ITPR2: variants seen among roughly 807,000 people sequenced by gnomAD.
ITPR2 encodes inositol 1,4,5-trisphosphate receptor type 2, also known as inositol 1,4,5-trisphosphate-gated calcium channel ITPR2.
A neutral mutation model predicts 317.1 loss-of-function variants in ITPR2; 207 were observed. The observed-to-expected ratio is 0.65, with a 90% CI of 0.58 to 0.73. ITPR2 has a LOEUF of 0.73. Ranked by LOEUF, ITPR2 falls within the 30% of genes least tolerant of loss-of-function variation. The probability of loss-of-function intolerance (pLI) is 0.00; values close to 1 mark genes in which losing one functional copy is unlikely to be tolerated. For missense variants in ITPR2, 2,613 were observed against 3,284.0 expected (o/e 0.80, Z 4.99); for synonymous variants, 1,156 against 1,149.1 (o/e 1.01, Z -0.12).
intron 1 of ITPR2, among the ~76,000 whole-genome samples, chr12:26,808,145 C>G (rs545121438): frequency 1.3e-4 from 20 of 152,302 alleles, no homozygotes; most frequent in African/African-American, 4.8e-4. Flanking sequence ...GGGAAAAAAT[C>G]TGCCAGAGAA....
chr12:26,679,654 A>C (rs1337684591), intron 13 of ITPR2, among the ~76,000 whole-genome samples: 1 of 152,146 alleles, frequency 6.6e-6, no homozygotes, highest in Non-Finnish European at 1.5e-5. Flanking sequence ...ACTACAGTGA[A>C]TGTCTTTGTT....
chr12:26,396,440 GA>G (rs1565503629), intron 54 of ITPR2, among the ~76,000 whole-genome samples: 2 of 152,030 alleles, frequency 1.3e-5, no homozygotes. Context: ...AGTTGATAAC[GA>G]ATTCATTTCT....
In ITPR2 at chr12:26,739,515, TCA is replaced by T. The variant is rs1027097253; in HGVS notation, c.164-13752_164-13751del. On this transcript the variant is annotated intron_variant, in intron 2 of 56. Transcript: ENST00000381340. ...TACTGATCCTGAACATGGATGAATC[TCA>T]AACACATCTTACTAAGTGAAAGAAG... is the stretch of plus-strand genomic sequence containing the variant. Among the ~76,000 whole-genome samples the T allele has an allele frequency of 5.3e-5, 8 of 152,216 alleles. No homozygotes were observed. In the East Asian group the frequency reaches 1.5e-3, roughly 29 times the overall value.
At position 26,588,232 on chromosome 12, in the gene ITPR2, G is replaced by A. The variant is rs114449796; in HGVS notation, c.4380+7233C>T. 6.3e-3 allele frequency among the ~76,000 whole-genome samples: 956 copies of A among 152,258 alleles called. 17 individuals carry two copies. Among genetic ancestry groups the A allele is most frequent in the African/African-American group, 0.022 (914 of 41,536 alleles). ...AGAGTAAATGAGATTAGCAAACAGT[G>A]ACTATAGACAGAGAAGGGATCCATT... On this transcript the variant is annotated intron_variant, in intron 32 of 56. Transcript: ENST00000381340.
At chr12:26,579,944 T>C (rs1565617393) in intron 33 of ITPR2, 83 bp downstream of exon 33, 2 of 1,065,294 alleles carry the variant, frequency 1.9e-6, no homozygotes, top group Non-Finnish European at 2.8e-6. Flanking sequence ...GTGTAGGAGA[T>C]GACTTCCTGA....
intron 1 of ITPR2, among the ~76,000 whole-genome samples, chr12:26,810,822 T>G (rs1190256256): frequency 6.6e-6 from 1 of 152,144 alleles, no homozygotes; most frequent in East Asian, 1.9e-4. Context: ...TCATTTTTTG[T>G]TTGGTTTCAT....
At chr12:26,450,949 T>A (rs1470875261) in intron 45 of ITPR2, among the ~76,000 whole-genome samples, 1 of 152,094 alleles carries the variant, frequency 6.6e-6, no homozygotes, top group Non-Finnish European at 1.5e-5. Flanking sequence ...AATGGATTAG[T>A]TAGAAAAGCT....
rs1945865139 is a variant in ITPR2 at position 26,597,088 on chromosome 12, G to A, written c.4049C>T (p.Ala1350Val). 2 of 1,613,370 alleles carry A rather than the reference G, an allele frequency of 1.2e-6. No homozygotes were observed. Among genetic ancestry groups the A allele is most frequent in the Non-Finnish European group, 8.5e-7 (1 of 1,179,426 alleles). ...CATATGGAGAAGGATTGGAAATGAT[G>A]CTCTATCATTGTAAAATATCAGCAC... ...EDVLIFYNDR[A>V]SFPILLHMMC... The change falls in exon 31 of 57, where the codon GCA (alanine) becomes GTA (valine). Residue 1350 changes from alanine (A) to valine (V), a missense_variant. By Grantham distance (64) the Ala-to-Val change is moderately conservative. This residue lies in a region of ITPR2 where 817 missense variants were observed against 897.6 expected (regional missense o/e 0.91). Transcript: ENST00000381340.
At chr12:26,613,781 T>A (rs990622107) in intron 26 of ITPR2, among the ~76,000 whole-genome samples, 1 of 152,142 alleles carries the variant, frequency 6.6e-6, no homozygotes, top group Non-Finnish European at 1.5e-5. Context: ...GAAAAAATTC[T>A]CTTGAGGCTC....
rs116280706 is a variant in ITPR2 at position 26,640,334 on chromosome 12, G to T, written c.2741-8275C>A. Among the ~76,000 whole-genome samples the T allele has an allele frequency of 2.2e-3, 331 of 151,318 alleles. 1 individual carries two copies. Among genetic ancestry groups the T allele is most frequent in the African/African-American group, 7.7e-3 (319 of 41,176 alleles). Reference sequence around the variant, plus strand: ...CACATGTTTACCTATGTAACAAACCGCTACGTCCTAAACATTTATCCCAGA... The same window carrying T: ...CACATGTTTACCTATGTAACAAACCTCTACGTCCTAAACATTTATCCCAGA... On this transcript the variant is annotated intron_variant, in intron 21 of 56. Transcript: ENST00000381340.
At chr12:26,524,276 A>G (rs1943748611) in intron 37 of ITPR2, among the ~76,000 whole-genome samples, 1 of 152,234 alleles carries the variant, frequency 6.6e-6, no homozygotes, top group African/African-American at 2.4e-5. Context: ...ATAGAGTATA[A>G]CCAACTGACA....
intron 37 of ITPR2, among the ~76,000 whole-genome samples, chr12:26,509,775 C>T (rs1467752034): frequency 1.3e-5 from 2 of 151,978 alleles, no homozygotes; most frequent in African/African-American, 4.8e-5. Flanking sequence ...GGAAGGCGGT[C>T]CAGTGCACTG....
chr12:26,430,151 T>C (rs1362820352), intron 48 of ITPR2, among the ~76,000 whole-genome samples: 3 of 152,220 alleles, frequency 2.0e-5, no homozygotes, highest in Admixed American at 1.3e-4. Flanking sequence ...TCAAAAGTTA[T>C]TTAAAACAGC....
chr12:26,625,787 T>C (rs1314758494), intron 23 of ITPR2, among the ~76,000 whole-genome samples: 1 of 152,230 alleles, frequency 6.6e-6, no homozygotes, highest in Admixed American at 6.5e-5. Flanking sequence ...TGTTATTATA[T>C]GGTTATTTCC....
rs942442598 is a variant in ITPR2, at chr12:26,715,559, A to T, written c.709-114T>A. 11 of 963,402 alleles carry T rather than the reference A, an allele frequency of 1.1e-5. No homozygotes were observed. In the African/African-American group the frequency reaches 1.7e-4, roughly 15 times the overall value. The allele number at this position is 963,402 out of a possible 1,614,324, so 59.7% of individuals were successfully genotyped here. The stretch of plus-strand genomic sequence containing the variant: ...GCTATTTGACTTTTAAAGCTTATTT[A>T]AATTTATTTAATGCTTATTTAAACA... On this transcript the variant is annotated intron_variant, in intron 7 of 56. Transcript: ENST00000381340.
At chr12:26,747,957 G>A (rs572446562) in intron 2 of ITPR2, among the ~76,000 whole-genome samples, 10 of 152,240 alleles carry the variant, frequency 6.6e-5, no homozygotes, top group African/African-American at 1.9e-4. Context: ...TCCAGTGTCC[G>A]AATAATTCAG....
intron 32 of ITPR2, among the ~76,000 whole-genome samples, chr12:26,594,540 G>T (rs1447693252): frequency 6.6e-6 from 1 of 151,956 alleles, no homozygotes; most frequent in African/African-American, 2.4e-5. Context: ...TCTATATAAG[G>T]CCTATACAAA....
chr12:26,439,767 T>C (rs1278985662), intron 46 of ITPR2, among the ~76,000 whole-genome samples: 5 of 152,214 alleles, frequency 3.3e-5, no homozygotes, highest in Non-Finnish European at 7.3e-5. Flanking sequence ...TTCAGCATTA[T>C]GTGTCTGAAC....
At chr12:26,768,482 C>CAA (rs55646801) in intron 2 of ITPR2, among the ~76,000 whole-genome samples, 45 of 92,882 alleles carry the variant, frequency 4.8e-4, no homozygotes, top group South Asian at 1.7e-3. Context: ...TTGTGCAACT[C>CAA]AAAAAAAAAA....
Sources: allele counts gnomAD v4.1 joint callset (sites outside exome capture counted in the v4.1 genomes callset), GRCh38; gene constraint gnomAD v4.1.1; regional missense constraint gnomAD v4.1.1; transcripts MANE v1.5; gene names NCBI Gene and HGNC (gene_info 2026-07-23, HGNC 2026-07-21).